The following CFAP57 variants were observed in gnomAD, a reference collection of about 807,000 sequenced individuals.
CFAP57 encodes cilia and flagella associated protein 57.
CFAP57 carries 116 observed loss-of-function variants against 146.8 expected under a neutral mutation model. The observed-to-expected ratio is 0.79, with a 90% CI of 0.68 to 0.92. CFAP57 has a LOEUF of 0.92. Among genes scored for constraint, CFAP57 ranks in the 40% least tolerant of loss-of-function variants. CFAP57 has a pLI of 0.00. For missense variants in CFAP57, 1,377 were observed against 1,527.2 expected (o/e 0.90, Z 1.64); for synonymous variants, 518 against 552.8 (o/e 0.94, Z 0.88).
chr1:43,237,791 T>A (rs1168700123), intron 21 of CFAP57, among the ~76,000 whole-genome samples: 1 of 151,846 alleles, frequency 6.6e-6, no homozygotes, highest in Non-Finnish European at 1.5e-5. Flanking sequence ...TGGCTGAGGG[T>A]CATGTTGGAA....
chr1:43,250,602 A>G (rs1646299902), intron 22 of CFAP57, among the ~76,000 whole-genome samples: 1 of 152,198 alleles, frequency 6.6e-6, no homozygotes, highest in Admixed American at 6.5e-5. Context: ...TATCAAACAC[A>G]CACAATCACC....
Position 43,231,718 on chromosome 1 carries a change from A to AAAAG in CFAP57, c.3010-790_3010-789insAAAG, listed in dbSNP as rs373943745. The stretch of plus-strand genomic sequence containing the variant: ...AAAATACAAAAAAAAAAAAAAAAAA[A>AAAAG]TTAGTTGGGCATGGTGGCAATTGCC... On this transcript the variant is annotated intron_variant, in intron 18 of 22. Coordinates refer to ENST00000372492, the MANE Select transcript of CFAP57 (RefSeq NM_001378189.1). 1.1e-3 allele frequency among the ~76,000 whole-genome samples: 163 copies of AAAAG among 144,342 alleles called. 6 individuals are homozygous for AAAAG. The highest frequency in any genetic ancestry group is 5.2e-3 in the East Asian group (26 of 5,002). 94.7% of individuals were successfully genotyped at this position (144,342 alleles called of 152,430 possible). A position where few individuals can be genotyped will look rare whatever the true frequency, so the allele number is the denominator to read the frequency against.
rs1399351886 is a variant in CFAP57, at chr1:43,209,731, C to T, written c.1756-12C>T. The T allele has an allele frequency of 6.2e-7, 1 of 1,612,880 alleles. No individual in the cohort carries two copies. Among genetic ancestry groups the T allele is most frequent in the Admixed American group, 1.7e-5 (1 of 59,974 alleles). On this transcript the variant is annotated splice_polypyrimidine_tract_variant and intron_variant, in intron 10 of 22. Transcript: ENST00000372492. Reference sequence around the variant, plus strand: ...CGACCCCTCACACTGAGCAGAGCTGCCTGTGTCTCAGATCCTTCGAGAGAT... The same window carrying T: ...CGACCCCTCACACTGAGCAGAGCTGTCTGTGTCTCAGATCCTTCGAGAGAT...
intron 1 of CFAP57, 85 bp downstream of exon 1, chr1:43,172,538 G>T: frequency 8.0e-7 from 1 of 1,255,174 alleles, no homozygotes; most frequent in Non-Finnish European, 1.1e-6. Context: ...AGCCGCGGGG[G>T]TGGGGTGGCG....
chr1:43,194,063 GT>G (rs1643711677), intron 6 of CFAP57, among the ~76,000 whole-genome samples: 1 of 151,960 alleles, frequency 6.6e-6, no homozygotes, highest in South Asian at 2.1e-4. Context: ...AGTGCTCTTT[GT>G]TTTGTGTGGA....
chr1:43,174,597 C>G (rs1027035153), intron 2 of CFAP57, among the ~76,000 whole-genome samples: 1 of 152,180 alleles, frequency 6.6e-6, no homozygotes, highest in Non-Finnish European at 1.5e-5. Context: ...GTGGGCAGAT[C>G]ACGAGGTCAA....
chr1:43,213,975 C>T (rs748030901), intron 11 of CFAP57, among the ~76,000 whole-genome samples: 2 of 151,916 alleles, frequency 1.3e-5, no homozygotes, highest in Admixed American at 6.6e-5. Flanking sequence ...CAACCTCCCC[C>T]TCCTGGGTTC....
intron 6 of CFAP57, among the ~76,000 whole-genome samples, chr1:43,190,395 C>T (rs12028373): frequency 4.0e-5 from 6 of 151,512 alleles, no homozygotes; most frequent in Middle Eastern, 3.4e-3. Flanking sequence ...CTCAGACTCC[C>T]GAGTAGCTGG....
chr1:43,230,369 T>C (rs903416149), intron 18 of CFAP57, among the ~76,000 whole-genome samples: 1 of 152,186 alleles, frequency 6.6e-6, no homozygotes, highest in Non-Finnish European at 1.5e-5. Flanking sequence ...TCTTGCTCTT[T>C]TCAGCAGAAC....
chr1:43,201,443 A>G lies in CFAP57; in HGVS notation c.1542+1940A>G, dbSNP rs1644118872. Among the ~76,000 whole-genome samples the G allele has an allele frequency of 6.6e-6, 1 of 152,230 alleles. No homozygotes were observed. Among genetic ancestry groups the G allele is most frequent in the Non-Finnish European group, 1.5e-5 (1 of 68,050 alleles). ...AGCAAATAACAGATCATTGGAAGGA[A>G]AAGTAAAAATGTGTGGAAAGTGAAA... On this transcript the variant is annotated intron_variant, in intron 9 of 22. Coordinates refer to ENST00000372492, the MANE Select transcript of CFAP57 (RefSeq NM_001378189.1). The surrounding 1 kb of genome is among the most constrained non-coding windows in gnomAD (Gnocchi z 4.4).
At chr1:43,227,531 G>T (rs1489805768) in intron 18 of CFAP57, among the ~76,000 whole-genome samples, 1 of 152,196 alleles carries the variant, frequency 6.6e-6, no homozygotes, top group Non-Finnish European at 1.5e-5. Flanking sequence ...CCCCAGGTGA[G>T]GCCATGGTGT....
intron 18 of CFAP57, chr1:43,232,119 C>G (rs1645496956): frequency 1.4e-6 from 1 of 700,492 alleles, no homozygotes; most frequent in African/African-American, 1.7e-5. Context: ...TATACAACTT[C>G]AGAAAGCAGG....
At chr1:43,193,601 A>G (rs184521704) in intron 6 of CFAP57, among the ~76,000 whole-genome samples, 1 of 152,206 alleles carries the variant, frequency 6.6e-6, no homozygotes, top group East Asian at 1.9e-4. Context: ...AATGCTAGTA[A>G]CATATAGAAA....
chr1:43,239,393 T>C (rs1645823658), intron 21 of CFAP57, among the ~76,000 whole-genome samples: 1 of 150,478 alleles, frequency 6.6e-6, no homozygotes, highest in Admixed American at 6.6e-5. Context: ...GAACAGGCAT[T>C]CACACCAACA....
chr1:43,226,787 G>A (rs34140926), intron 17 of CFAP57, among the ~76,000 whole-genome samples, 196 bp from the exon 18 acceptor site: 2,877 of 152,306 alleles, frequency 0.019, 37 homozygotes, highest in Non-Finnish European at 0.029. Context: ...GAGAGTCCTT[G>A]TACAGAGGCT....
chr1:43,185,147 A>G lies in CFAP57; in HGVS notation c.762-2A>G, dbSNP rs1328720531. 6.2e-7 allele frequency: 1 copy of G among 1,613,876 alleles called. No individual in the cohort carries two copies. Among genetic ancestry groups the G allele is most frequent in the Non-Finnish European group, 8.5e-7 (1 of 1,180,000 alleles). ...TTATGTATGCTGTTTTTTTGTTTCC[A>G]GCCTGATTGAATTTCCACCAGTCAG... On this transcript the variant is annotated splice_acceptor_variant, in intron 4 of 22. Transcript: ENST00000372492. LOFTEE classifies it high-confidence loss of function.
In CFAP57 at chr1:43,228,770, T is replaced by C. The variant is rs116858021; in HGVS notation, c.3009+1644T>C. On this transcript the variant is annotated intron_variant, in intron 18 of 22. Transcript: ENST00000372492. The stretch of plus-strand genomic sequence containing the variant: ...AACAAAATACTTTAGAAGGGATAAT[T>C]TATGGCCAACAGAAATGTATTGCTG... Among the ~76,000 whole-genome samples, 21 of 149,122 alleles carry C rather than the reference T, an allele frequency of 1.4e-4. 3 individuals are homozygous for C. The East Asian group carries it at 3.9e-3, about 28-fold the overall frequency.
chr1:43,224,236 C>T (rs755544766), intron 17 of CFAP57, 32 bp downstream of exon 17: 35 of 1,495,078 alleles, frequency 2.3e-5, no homozygotes, highest in Admixed American at 6.8e-5. Flanking sequence ...CCCTCAGCTA[C>T]GGCCAGATGG....
chr1:43,176,005 T>C (rs552387819), intron 2 of CFAP57, among the ~76,000 whole-genome samples: 1 of 152,258 alleles, frequency 6.6e-6, no homozygotes, highest in Admixed American at 6.5e-5. Context: ...TTACACTTCT[T>C]ACTGTATCAC....
Sources: gnomAD v4.1 joint callset for allele counts (sites outside exome capture counted in the v4.1 genomes callset) on GRCh38, gnomAD v4.1.1 for gene constraint, Gnocchi (gnomAD v3.1) non-coding constraint, MANE v1.5 for transcripts, NCBI Gene and HGNC (gene_info 2026-07-23, HGNC 2026-07-21) for gene names.